ETV1: variants seen among roughly 807,000 people sequenced by gnomAD.
The protein encoded by ETV1 is ETS translocation variant 1.
In ETV1, 27 loss-of-function variants were observed where a neutral mutation model predicts 62.3. The observed-to-expected ratio is 0.43, with a 90% CI of 0.32 to 0.60. The LOEUF (loss-of-function observed/expected upper bound fraction) is 0.60, where lower values mean the gene tolerates loss of function less well. Among genes scored for constraint, ETV1 ranks in the 20% least tolerant of loss-of-function variants. The pLI, the probability that ETV1 is intolerant of heterozygous loss-of-function variation, is 0.06. For missense variants in ETV1, 605 were observed against 605.8 expected, an observed-to-expected ratio of 1.00 and a Z score of 0.01; for synonymous variants, 222 against 199.6, an observed-to-expected ratio of 1.11 and a Z score of -0.94.
intron 6 of ETV1, among the ~76,000 whole-genome samples, chr7:13,971,075 A>G (rs548773136): frequency 4.8e-4 from 73 of 152,180 alleles, no homozygotes; most frequent in Middle Eastern, 6.8e-3. Context: ...AGGTTCAAGC[A>G]ATTCTCCTGC....
At chr7:13,934,954 G>T (rs766586485) in intron 8 of ETV1, among the ~76,000 whole-genome samples, 2 of 152,170 alleles carry the variant, frequency 1.3e-5, no homozygotes, top group African/African-American at 4.8e-5. Flanking sequence ...AAGAGATAAA[G>T]AAGGAGAGAT....
At chr7:13,909,995 C>T (rs917040864) in intron 10 of ETV1, among the ~76,000 whole-genome samples, 1 of 152,014 alleles carries the variant, frequency 6.6e-6, no homozygotes, top group Non-Finnish European at 1.5e-5. Flanking sequence ...CCAGAGCTCA[C>T]CTAAACATTG....
At position 13,939,218 on chromosome 7, in the gene ETV1, G is replaced by C. The variant is rs1787184914; in HGVS notation, c.264C>G (p.Ile88Met). 2 of 1,608,330 alleles carry C rather than the reference G, an allele frequency of 1.2e-6. No individual in the cohort carries two copies. Among genetic ancestry groups the C allele is most frequent in the Non-Finnish European group, 1.7e-6 (2 of 1,178,660 alleles). ...AACATGGACTGTGGGGTTCTTTCTT[G>C]ATTTTCAGTGGCAGGCCATGAAAAG... ...SLAFHGLPLK[I>M]KKEPHSPCSE... is the part of the protein sequence containing the mutation. The change falls in exon 7 of 14, where the codon ATC becomes ATG. Residue 88 changes from isoleucine to methionine, a missense_variant. Ile to Met is a conservative substitution (Grantham distance 10). Transcript: ENST00000430479.
chr7:13,939,686 A>T (rs1247232278), intron 6 of ETV1, among the ~76,000 whole-genome samples: 2 of 152,242 alleles, frequency 1.3e-5, no homozygotes, highest in Non-Finnish European at 2.9e-5. Flanking sequence ...CAATAATAAT[A>T]GTTTAATGAA....
At chr7:13,944,956 G>A (rs1787985902) in intron 6 of ETV1, among the ~76,000 whole-genome samples, 1 of 152,112 alleles carries the variant, frequency 6.6e-6, no homozygotes, top group African/African-American at 2.4e-5. Context: ...AATGCCAGAG[G>A]TTCCCAGGAA....
intron 7 of ETV1, among the ~76,000 whole-genome samples, chr7:13,936,820 C>T (rs1365427223): frequency 6.6e-6 from 1 of 152,034 alleles, no homozygotes; most frequent in East Asian, 1.9e-4. Context: ...GTGGGAGGAT[C>T]GCTTAAGCAC....
At position 13,896,886 on chromosome 7, in the gene ETV1, G is replaced by A. The variant is rs371661073; in HGVS notation, c.1213-799C>T. On this transcript the variant is annotated intron_variant, in intron 13 of 13. Coordinates refer to ENST00000430479, the MANE Select transcript of ETV1 (RefSeq NM_004956.5). ...ATGAAGGCAAGATGCATTAGACAGA[G>A]TTAAGGATGTGTGTAAAGTGTCAAA... 3.9e-5 allele frequency among the ~76,000 whole-genome samples: 6 copies of A among 152,148 alleles called. No homozygotes were observed. The South Asian group carries it at 1.0e-3, about 26-fold the overall frequency.
At chr7:13,898,962 G>A (rs966229611) in intron 13 of ETV1, among the ~76,000 whole-genome samples, 5 of 152,154 alleles carry the variant, frequency 3.3e-5, no homozygotes, top group Non-Finnish European at 7.3e-5. Context: ...CAGTTACAAT[G>A]TAAAGTATCT....
chr7:13,935,925 AT>A, intron 7 of ETV1, 29 bp from the exon 8 acceptor site: 1 of 1,513,986 alleles, frequency 6.6e-7, no homozygotes, highest in Non-Finnish European at 9.0e-7. Flanking sequence ...AAGAGAGAAC[AT>A]TTCTTTCTTT....
chr7:13,943,195 G>A (rs751076072), intron 6 of ETV1, among the ~76,000 whole-genome samples: 1 of 152,164 alleles, frequency 6.6e-6, no homozygotes, highest in Non-Finnish European at 1.5e-5. Context: ...CACAAAAGCA[G>A]ATATCCAGAT....
chr7:13,926,432 T>C (rs567406905), intron 9 of ETV1, among the ~76,000 whole-genome samples: 13 of 152,316 alleles, frequency 8.5e-5, no homozygotes, highest in African/African-American at 3.1e-4. Flanking sequence ...ATCTAAAATA[T>C]TTGCGTCACT....
At chr7:13,986,008 A>G (rs1405165429) in intron 5 of ETV1, 9 of 897,298 alleles carry the variant, frequency 1.0e-5, no homozygotes, top group Non-Finnish European at 1.4e-5. Flanking sequence ...AGCAAAGGTC[A>G]ATTTCAGCAA....
chr7:13,915,282 C>A (rs918117888), intron 9 of ETV1, among the ~76,000 whole-genome samples: 1 of 152,032 alleles, frequency 6.6e-6, no homozygotes, highest in South Asian at 2.1e-4. Flanking sequence ...CATAAAATAT[C>A]CAGAGCCAAA....
chr7:13,962,295 T>G (rs1790273394), intron 6 of ETV1, among the ~76,000 whole-genome samples: 1 of 151,676 alleles, frequency 6.6e-6, no homozygotes, highest in African/African-American at 2.4e-5. Context: ...TGAGGCACAA[T>G]GATCTTAAAT....
chr7:13,913,549 C>A (rs1783788751), intron 9 of ETV1, among the ~76,000 whole-genome samples: 1 of 152,186 alleles, frequency 6.6e-6, no homozygotes. Flanking sequence ...ACAGTATCTG[C>A]ACACTGTAAG....
intron 9 of ETV1, among the ~76,000 whole-genome samples, chr7:13,920,955 A>G (rs6973935): frequency 0.17 from 25,705 of 152,120 alleles, 2,749 homozygotes; most frequent in African/African-American, 0.31. Context: ...CACTTTTCAC[A>G]ATTGAAGCAC....
intron 6 of ETV1, among the ~76,000 whole-genome samples, chr7:13,966,221 C>T (rs1057073408): frequency 3.9e-5 from 6 of 151,980 alleles, no homozygotes; most frequent in African/African-American, 1.5e-4. Flanking sequence ...CTTGTCAGTC[C>T]CCTATAACAT....
intron 6 of ETV1, among the ~76,000 whole-genome samples, chr7:13,949,576 C>T (rs528406558): frequency 6.6e-6 from 1 of 152,236 alleles, no homozygotes; most frequent in Admixed American, 6.5e-5. Flanking sequence ...TGTACATATA[C>T]CACTCACACA....
rs1781432605 is a variant in ETV1 at position 13,892,253 on chromosome 7, C to T, written c.*3613G>A. 3 of 232,314 alleles carry T rather than the reference C, an allele frequency of 1.3e-5. No individual in the cohort carries two copies. Among genetic ancestry groups the T allele is most frequent in the African/African-American group, 2.2e-5 (1 of 45,252 alleles). The allele number at this position is 232,314 out of a possible 1,614,324, so 14.4% of individuals were successfully genotyped here. On this transcript the variant is annotated 3_prime_UTR_variant, in exon 14 of 14. Coordinates refer to ENST00000430479, the MANE Select transcript of ETV1 (RefSeq NM_004956.5). The stretch of plus-strand genomic sequence containing the variant: ...AACTGTTATTACTATTATTATCATA[C>T]CTTCTGTTTTTCTGTTTCATGACTT...
Sources: gnomAD v4.1 joint callset for allele counts (sites outside exome capture counted in the v4.1 genomes callset) on GRCh38, gnomAD v4.1.1 for gene constraint, MANE v1.5 for transcripts, NCBI Gene and HGNC (gene_info 2026-07-23, HGNC 2026-07-21) for gene names.